Variants in SMCHD1 observed in about 807,000 individuals in gnomAD.
SMCHD1 encodes structural maintenance of chromosomes flexible hinge domain-containing protein 1.
SMCHD1 carries 78 observed loss-of-function variants against 254.7 expected under a neutral mutation model. That is an observed-to-expected ratio of 0.31 (90% CI 0.26 to 0.37). The LOEUF (loss-of-function observed/expected upper bound fraction) is 0.37, where lower values mean the gene tolerates loss of function less well. Among genes scored for constraint, SMCHD1 ranks in the 10% least tolerant of loss-of-function variants. SMCHD1 has a pLI of 1.00. For synonymous variants in SMCHD1, 766 were observed against 794.9 expected (o/e 0.96, Z 0.61); for missense variants, 1,840 against 2,408.1 (o/e 0.76, Z 4.94).
At position 2,732,511 on chromosome 18, in the gene SMCHD1, T is replaced by C. The variant is rs1208718259; in HGVS notation, c.3276+19T>C. The C allele has an allele frequency of 1.4e-6, 2 of 1,471,086 alleles. No homozygotes were observed. The highest frequency in any genetic ancestry group is 9.3e-7 in the Non-Finnish European group (1 of 1,075,876). The allele number at this position is 1,471,086 out of a possible 1,614,324, so 91.1% of individuals were successfully genotyped here. A position where few individuals can be genotyped will look rare whatever the true frequency, so the allele number is the denominator to read the frequency against. Reference sequence around the variant, plus strand: ...AATTAAAGTAAGTATCTCTAACAGATTGGTTATTTGTAAGAACTTTTTAAA... The same window carrying C: ...AATTAAAGTAAGTATCTCTAACAGACTGGTTATTTGTAAGAACTTTTTAAA... On this transcript the variant is annotated intron_variant, in intron 25 of 47. Transcript: ENST00000320876.
chr18:2,744,033 A>G, intron 29 of SMCHD1, 105 bp downstream of exon 29: 1 of 1,009,430 alleles, frequency 9.9e-7, no homozygotes, highest in Admixed American at 3.0e-5. Context: ...TGAAGTAACA[A>G]CTAACAGTTG....
At chr18:2,688,837 A>G (rs1221239662) in intron 7 of SMCHD1, 90 bp downstream of exon 7, 2 of 813,982 alleles carry the variant, frequency 2.5e-6, no homozygotes, top group African/African-American at 1.7e-5. Context: ...AATTTTCAAA[A>G]TGAGTTACCC....
At chr18:2,680,072 ACT>A (rs2073890014) in intron 5 of SMCHD1, among the ~76,000 whole-genome samples, 5 of 151,878 alleles carry the variant, frequency 3.3e-5, no homozygotes, top group Admixed American at 3.3e-4. Flanking sequence ...CCCAACTGAT[ACT>A]CTCTGTTTGG....
chr18:2,714,475 G>T (rs1598355734), intron 17 of SMCHD1, among the ~76,000 whole-genome samples: 1 of 151,786 alleles, frequency 6.6e-6, no homozygotes, highest in Non-Finnish European at 1.5e-5. Flanking sequence ...TACATTCAAG[G>T]TTAGTATTTA....
chr18:2,725,636 A>G (rs2075012848), intron 21 of SMCHD1, among the ~76,000 whole-genome samples: 1 of 151,896 alleles, frequency 6.6e-6, no homozygotes, highest in African/African-American at 2.4e-5. Context: ...AATATTTAAA[A>G]ATTTTCCCTA....
intron 17 of SMCHD1, among the ~76,000 whole-genome samples, chr18:2,708,867 C>CATATATATATATATATATAT (rs763226355): frequency 1.2e-4 from 1 of 8,294 alleles, no homozygotes; most frequent in Admixed American, 7.0e-4. Flanking sequence ...TCAATAACTT[C>CATATATATATATATATATAT]ATATATATAT....
intron 34 of SMCHD1, among the ~76,000 whole-genome samples, chr18:2,757,693 G>GATAATAAA (rs2143663077): frequency 6.6e-6 from 1 of 151,842 alleles, no homozygotes; most frequent in South Asian, 2.1e-4. Context: ...AAATATACTA[G>GATAATAAA]ATAATAATGT....
chr18:2,777,781 C>A, intron 42 of SMCHD1, 25 bp from the exon 43 acceptor site: 2 of 1,314,986 alleles, frequency 1.5e-6, no homozygotes, highest in East Asian at 2.5e-5. Context: ...GCTTTAATAT[C>A]TTTTTAAAAT....
Position 2,679,327 on chromosome 18 carries a change from T to C in SMCHD1, c.638+5182T>C, listed in dbSNP as rs569446742. Among the ~76,000 whole-genome samples, 11 of 149,496 alleles carry C rather than the reference T, an allele frequency of 7.4e-5. No homozygotes were observed. The East Asian group carries it at 1.0e-3, about 14-fold the overall frequency. On this transcript the variant is annotated intron_variant, in intron 5 of 47. Coordinates refer to ENST00000320876, the MANE Select transcript of SMCHD1 (RefSeq NM_015295.3). ...CCCATCTCTACTAAAAGTACAAAAA[T>C]TAGCAGGGCGTGGTGGCGGGCACCC...
chr18:2,685,102 C>CTTTTT (rs10629422), intron 5 of SMCHD1, among the ~76,000 whole-genome samples: 1 of 126,018 alleles, frequency 7.9e-6, no homozygotes, highest in Non-Finnish European at 1.6e-5. Context: ...TTATTTTTTT[C>CTTTTT]TTTTTTTTTT....
At chr18:2,746,608 G>A (rs1426071285) in intron 29 of SMCHD1, among the ~76,000 whole-genome samples, 1 of 152,074 alleles carries the variant, frequency 6.6e-6, no homozygotes, top group Non-Finnish European at 1.5e-5. Context: ...CTTATTCATA[G>A]CAGACTGTTA....
At chr18:2,765,969 A>G (rs1023542374) in intron 37 of SMCHD1, among the ~76,000 whole-genome samples, 1 of 148,570 alleles carries the variant, frequency 6.7e-6, no homozygotes, top group Non-Finnish European at 1.5e-5. Flanking sequence ...AGAAAACTTT[A>G]CCTGTTTTCC....
At chr18:2,732,154 G>A in intron 24 of SMCHD1, 111 bp from the exon 25 acceptor site, 1 of 741,104 alleles carries the variant, frequency 1.3e-6, no homozygotes, top group Non-Finnish European at 2.2e-6. Context: ...CAAAACCTGT[G>A]AGTATAACAA....
intron 7 of SMCHD1, among the ~76,000 whole-genome samples, chr18:2,693,918 A>G (rs774722227): frequency 2.9e-4 from 44 of 152,178 alleles, no homozygotes; most frequent in Non-Finnish European, 6.2e-4. Context: ...GGAGTGAGCT[A>G]CCACGCCCGG....
Position 2,750,136 on chromosome 18 carries a change from G to T in SMCHD1, c.4007+14G>T. 2 of 1,569,100 alleles carry T rather than the reference G, an allele frequency of 1.3e-6. No individual in the cohort carries two copies. Among genetic ancestry groups the T allele is most frequent in the Non-Finnish European group, 8.7e-7 (1 of 1,155,170 alleles). ...TTTTGCCCCTAGGTAAGAACCAAAA[G>T]TTTGATAGTTGTTGGTGTTATAGAG... On this transcript the variant is annotated intron_variant, in intron 31 of 47. Coordinates refer to ENST00000320876, the MANE Select transcript of SMCHD1 (RefSeq NM_015295.3).
At position 2,781,246 on chromosome 18, in the gene SMCHD1, A is replaced by C. The variant is rs551686078; in HGVS notation, c.5547+3007A>C. Reference sequence around the variant, plus strand: ...AGCTGCTTCAGGGAACTACCAGAAAAGTCTCTCTCTTGAACTTTGGCACTA... The same window carrying C: ...AGCTGCTTCAGGGAACTACCAGAAACGTCTCTCTCTTGAACTTTGGCACTA... On this transcript the variant is annotated intron_variant, in intron 44 of 47. Transcript: ENST00000320876. Among the ~76,000 whole-genome samples the C allele has an allele frequency of 2.0e-5, 3 of 152,354 alleles. No individual in the cohort carries two copies. In the South Asian group the frequency reaches 6.2e-4, roughly 32 times the overall value.
intron 47 of SMCHD1, chr18:2,800,539 T>G (rs1003092700): frequency 6.6e-6 from 1 of 152,310 alleles, no homozygotes; most frequent in African/African-American, 2.4e-5. Context: ...GGTCTTGCTG[T>G]GTTGACCAGG....
At chr18:2,749,705 C>T (rs979459890) in intron 30 of SMCHD1, among the ~76,000 whole-genome samples, 1 of 152,120 alleles carries the variant, frequency 6.6e-6, no homozygotes, top group African/African-American at 2.4e-5. Context: ...TATACCTGCC[C>T]CAGCTTTAGA....
intron 10 of SMCHD1, among the ~76,000 whole-genome samples, chr18:2,699,378 C>CA (rs2074351096): frequency 6.6e-6 from 1 of 152,102 alleles, no homozygotes; most frequent in Non-Finnish European, 1.5e-5. Context: ...CTTGCGTTGC[C>CA]ACACACGCTG....
Sources: gnomAD v4.1 joint callset for allele counts (sites outside exome capture counted in the v4.1 genomes callset) on GRCh38, gnomAD v4.1.1 for gene constraint, MANE v1.5 for transcripts, NCBI Gene and HGNC (gene_info 2026-07-23, HGNC 2026-07-21) for gene names.